LINGO2: variants seen among roughly 807,000 people sequenced by gnomAD.
LINGO2 encodes the protein leucine rich repeat and Ig domain containing 2.
A neutral mutation model predicts 30.6 loss-of-function variants in LINGO2; 14 were observed. That is an observed-to-expected ratio of 0.46 (90% CI 0.30 to 0.72). The LOEUF (loss-of-function observed/expected upper bound fraction) is 0.72, where lower values mean the gene tolerates loss of function less well. LINGO2 is among the 30% of genes least tolerant of loss of function. The pLI is 0.07. For synonymous variants in LINGO2, 317 were observed against 288.5 expected, an observed-to-expected ratio of 1.10 and a Z score of -1.00; for missense variants, 729 against 751.7, an observed-to-expected ratio of 0.97 and a Z score of 0.35.
chr9:29,098,644 A>G, the LINGO2 span, among the ~76,000 whole-genome samples: 1 of 151,986 alleles, frequency 6.6e-6, no homozygotes, highest in Admixed American at 6.6e-5. Context: ...GAGTGGCATT[A>G]GCTGAAACAG....
chr9:28,734,085 T>TAC, the LINGO2 span, among the ~76,000 whole-genome samples: 140 of 152,182 alleles, frequency 9.2e-4, no homozygotes, highest in African/African-American at 3.0e-3. Flanking sequence ...TATATATATA[T>TAC]ACCTATAATA....
chr9:28,805,258 C>T, the LINGO2 span, among the ~76,000 whole-genome samples: 6 of 152,276 alleles, frequency 3.9e-5, no homozygotes, highest in African/African-American at 1.2e-4. Context: ...CAAAGGTATA[C>T]ATTTCAGTAT....
At chr9:28,137,226 C>CACACACAA (rs1554677426) in intron 4 of LINGO2, among the ~76,000 whole-genome samples, 1 of 149,764 alleles carries the variant, frequency 6.7e-6, no homozygotes, top group Non-Finnish European at 1.5e-5. Flanking sequence ...CACACACACA[C>CACACACAA]AAATTGGTTT....
chr9:29,020,018 T>C, the LINGO2 span, among the ~76,000 whole-genome samples: 1 of 152,190 alleles, frequency 6.6e-6, no homozygotes, highest in Non-Finnish European at 1.5e-5. Flanking sequence ...TAGAAAAAGA[T>C]AGCATGTGAT....
chr9:28,451,556 G>A (rs1824648921), intron 2 of LINGO2, among the ~76,000 whole-genome samples: 2 of 151,736 alleles, frequency 1.3e-5, no homozygotes, highest in Non-Finnish European at 3.0e-5. Flanking sequence ...GCCACAAATT[G>A]GGTTAGTATG....
At chr9:28,965,806 A>G in the LINGO2 span, among the ~76,000 whole-genome samples, 1 of 152,138 alleles carries the variant, frequency 6.6e-6, no homozygotes, top group African/African-American at 2.4e-5. Context: ...GTAACTATAT[A>G]AAAGAAATAG....
chr9:28,272,380 C>A (rs921741558), intron 4 of LINGO2, among the ~76,000 whole-genome samples: 1 of 151,824 alleles, frequency 6.6e-6, no homozygotes, highest in Non-Finnish European at 1.5e-5. Context: ...GTTCCTTCTT[C>A]TCCTTGAACA....
intron 3 of LINGO2, among the ~76,000 whole-genome samples, chr9:28,371,854 T>A (rs1331867): frequency 0.78 from 119,033 of 151,892 alleles, 47,867 homozygotes; most frequent in Middle Eastern, 0.9. Context: ...TTAGGGAAAC[T>A]ATGCTCATTT....
At chr9:28,159,597 C>G (rs1451019388) in intron 4 of LINGO2, among the ~76,000 whole-genome samples, 1 of 151,338 alleles carries the variant, frequency 6.6e-6, no homozygotes, top group African/African-American at 2.4e-5. Context: ...ACCCAGTTTT[C>G]TGATACGAAA....
chr9:28,050,684 C>T (rs1045308936), intron 4 of LINGO2, among the ~76,000 whole-genome samples: 1 of 150,840 alleles, frequency 6.6e-6, no homozygotes, highest in East Asian at 2.0e-4. Flanking sequence ...ACCATTGCTT[C>T]GTGGTTATGT....
chr9:28,903,447 C>T, the LINGO2 span, among the ~76,000 whole-genome samples: 1 of 152,104 alleles, frequency 6.6e-6, no homozygotes, highest in South Asian at 2.1e-4. Flanking sequence ...ATCTAACATT[C>T]ATTCATTATT....
intron 5 of LINGO2, among the ~76,000 whole-genome samples, chr9:28,008,805 G>T (rs952304202): frequency 6.6e-6 from 1 of 152,108 alleles, no homozygotes; most frequent in Non-Finnish European, 1.5e-5. Context: ...TTCACCGATT[G>T]AAAGGTTTAA....
chr9:28,098,997 G>A (rs529319930), intron 4 of LINGO2, among the ~76,000 whole-genome samples: 4 of 152,138 alleles, frequency 2.6e-5, no homozygotes, highest in African/African-American at 9.6e-5. Context: ...GGTGGGTAAG[G>A]GAATGAAAAC....
At chr9:28,379,199 T>C (rs1174072509) in intron 2 of LINGO2, among the ~76,000 whole-genome samples, 1 of 152,074 alleles carries the variant, frequency 6.6e-6, no homozygotes, top group African/African-American at 2.4e-5. Flanking sequence ...GGAAGTATAG[T>C]CAGCATGAAG....
At chr9:28,280,268 G>T (rs1823272055) in intron 4 of LINGO2, among the ~76,000 whole-genome samples, 1 of 152,128 alleles carries the variant, frequency 6.6e-6, no homozygotes, top group Non-Finnish European at 1.5e-5. Flanking sequence ...TACATTGTAA[G>T]TAAGATACAT....
At chr9:28,536,758 T>C (rs1821453468) in intron 1 of LINGO2, among the ~76,000 whole-genome samples, 2 of 152,140 alleles carry the variant, frequency 1.3e-5, no homozygotes, top group African/African-American at 4.8e-5. Flanking sequence ...AAGGCTCTTA[T>C]AAGACAAGAC....
At chr9:28,313,929 A>C (rs10126010) in intron 3 of LINGO2, among the ~76,000 whole-genome samples, 6,810 of 151,966 alleles carry the variant, frequency 0.045, 468 homozygotes, top group African/African-American at 0.16. Context: ...GTGACCAGTG[A>C]GAATTGATTT....
the LINGO2 span, among the ~76,000 whole-genome samples, chr9:29,154,330 G>C: frequency 6.6e-6 from 1 of 151,746 alleles, no homozygotes; most frequent in East Asian, 2.0e-4. Context: ...GGCGCCTGTA[G>C]TCCCAGCTAC....
chr9:28,377,567 C>A lies in LINGO2; in HGVS notation c.-278-4699G>T, dbSNP rs150340537. On this transcript the variant is annotated intron_variant, in intron 2 of 5. Coordinates refer to ENST00000379992, the Ensembl canonical transcript of LINGO2. Reference sequence around the variant, plus strand: ...GTGTGTGGGGGGGTTAGTTTCCCAACCCTTGCATTGTTCAAAGCTCAAGTG... The same window carrying A: ...GTGTGTGGGGGGGTTAGTTTCCCAAACCTTGCATTGTTCAAAGCTCAAGTG... Among the ~76,000 whole-genome samples the A allele has an allele frequency of 5.9e-3, 905 of 152,186 alleles. 8 individuals carry two copies. Among genetic ancestry groups the A allele is most frequent in the African/African-American group, 0.021 (867 of 41,494 alleles).
Sources: allele counts gnomAD v4.1 joint callset (sites outside exome capture counted in the v4.1 genomes callset), GRCh38; gene constraint gnomAD v4.1.1; transcripts MANE v1.5; gene names NCBI Gene and HGNC (gene_info 2026-07-23, HGNC 2026-07-21).